The following ATRNL1 variants were observed in gnomAD, a reference collection of about 807,000 sequenced individuals.
ATRNL1 encodes the protein attractin-like protein 1.
ATRNL1 carries 95 observed loss-of-function variants against 182.7 expected under a neutral mutation model. The ratio of observed to expected loss-of-function variants is 0.52; its 90% CI spans 0.44 to 0.62. ATRNL1 has a LOEUF of 0.62. Among genes scored for constraint, ATRNL1 ranks in the 20% least tolerant of loss-of-function variants. The probability of loss-of-function intolerance (pLI) is 0.00; values close to 1 mark genes in which losing one functional copy is unlikely to be tolerated. For missense variants in ATRNL1, 1,471 were observed against 1,679.5 expected, an observed-to-expected ratio of 0.88 and a Z score of 2.17; for synonymous variants, 576 against 568.3, an observed-to-expected ratio of 1.01 and a Z score of -0.19.
At chr10:115,782,823 G>C (rs962115398) in intron 27 of ATRNL1, among the ~76,000 whole-genome samples, 1 of 152,108 alleles carries the variant, frequency 6.6e-6, no homozygotes, top group South Asian at 2.1e-4. Context: ...ATATAAAAGG[G>C]TTTCTAGGAG....
At chr10:115,337,749 C>A (rs1855560983) in intron 19 of ATRNL1, among the ~76,000 whole-genome samples, 1 of 152,084 alleles carries the variant, frequency 6.6e-6, no homozygotes, top group South Asian at 2.1e-4. Flanking sequence ...TGGATGAATG[C>A]CATAAAAAAT....
At chr10:115,741,865 T>C (rs1248964240) in intron 27 of ATRNL1, among the ~76,000 whole-genome samples, 1 of 152,136 alleles carries the variant, frequency 6.6e-6, no homozygotes, top group African/African-American at 2.4e-5. Flanking sequence ...GGAAAATTGC[T>C]ACAAAGAAAC....
intron 17 of ATRNL1, among the ~76,000 whole-genome samples, chr10:115,307,105 C>A (rs1347985397): frequency 6.6e-6 from 1 of 152,072 alleles, no homozygotes; most frequent in African/African-American, 2.4e-5. Flanking sequence ...ACCATTTGTT[C>A]CTTGAGCAGA....
chr10:115,730,680 G>A (rs1315720279), intron 27 of ATRNL1, among the ~76,000 whole-genome samples: 2 of 152,096 alleles, frequency 1.3e-5, no homozygotes, highest in Admixed American at 1.3e-4. Context: ...CTAGCCATCT[G>A]CTTTTATAGC....
chr10:115,300,070 A>T lies in ATRNL1; in HGVS notation c.2452A>T (p.Ile818Leu). Reference protein sequence around the residue: ...SPWVGLRKINISYWGWEDMSP... With the variant: ...SPWVGLRKINLSYWGWEDMSP... ...TTGGGTAGGCTTGCGCAAGATCAAT[A>T]TATCCTATTGGGGATGGGAAGACAT... The change falls in exon 16 of 29, where the codon ATA becomes TTA. Residue 818 changes from isoleucine (I) to leucine (L), a missense_variant. By Grantham distance (5) the Ile-to-Leu change is conservative (BLOSUM62 2). Transcript: ENST00000355044. 1 of 1,613,978 alleles carries T rather than the reference A, an allele frequency of 6.2e-7. No homozygotes were observed. The highest frequency in any genetic ancestry group is 8.5e-7 in the Non-Finnish European group (1 of 1,179,854).
chr10:115,256,033 G>C (rs1261873784), intron 10 of ATRNL1, among the ~76,000 whole-genome samples: 1 of 152,136 alleles, frequency 6.6e-6, no homozygotes, highest in African/African-American at 2.4e-5. Context: ...GATGGATTTG[G>C]TTTGCCAGTA....
At chr10:115,613,936 A>G (rs114367416) in intron 26 of ATRNL1, among the ~76,000 whole-genome samples, 6 of 151,450 alleles carry the variant, frequency 4.0e-5, no homozygotes, top group Admixed American at 3.3e-4. Flanking sequence ...CTAATAATTT[A>G]TTGACTTATG....
intron 7 of ATRNL1, among the ~76,000 whole-genome samples, chr10:115,167,541 T>C (rs1308027594): frequency 6.6e-6 from 1 of 152,050 alleles, no homozygotes; most frequent in Non-Finnish European, 1.5e-5. Context: ...TGTTTGGTTT[T>C]CATTTTGAAT....
chr10:115,828,794 G>A (rs77603688), intron 27 of ATRNL1, among the ~76,000 whole-genome samples: 2,476 of 152,208 alleles, frequency 0.016, 82 homozygotes, highest in African/African-American at 0.057. Context: ...TAGTCTGTGC[G>A]AGTAGTGAAA....
rs541785790 is a variant in ATRNL1 at position 115,521,210 on chromosome 10, G to T, written c.3716+1886G>T. Among the ~76,000 whole-genome samples, 260 of 140,286 alleles carry T rather than the reference G, an allele frequency of 1.9e-3. 2 individuals are homozygous for T. Among genetic ancestry groups the T allele is most frequent in the Middle Eastern group, 8.0e-3 (2 of 250 alleles). The allele number at this position is 140,286 out of a possible 152,430, so 92.0% of individuals were successfully genotyped here. ...TCACCCTGTCACCCAGGCTGGAGCAGTGGCGCTATTTCGGCTCACTGCAAC... is the reference window on the plus strand; with the variant it reads ...TCACCCTGTCACCCAGGCTGGAGCATTGGCGCTATTTCGGCTCACTGCAAC... On this transcript the variant is annotated intron_variant, in intron 25 of 28. Coordinates refer to ENST00000355044, the MANE Select transcript of ATRNL1 (RefSeq NM_207303.4).
chr10:115,561,704 G>GTGTGTGTGTGTGTGTGTGTGTGT (rs1554999746), intron 26 of ATRNL1, among the ~76,000 whole-genome samples: 2 of 145,030 alleles, frequency 1.4e-5, no homozygotes, highest in African/African-American at 2.6e-5. Flanking sequence ...TGTGTGTGTG[G>GTGTGTGTGTGTGTGTGTGTGTGT]GTGTGTGTGT....
intron 3 of ATRNL1, among the ~76,000 whole-genome samples, chr10:115,122,182 T>G (rs1055183968): frequency 2.0e-5 from 3 of 151,758 alleles, no homozygotes; most frequent in African/African-American, 7.2e-5. Context: ...TTTTTTTATT[T>G]TAGTGAAATG....
chr10:115,811,973 T>C (rs188676265), intron 27 of ATRNL1, among the ~76,000 whole-genome samples: 428 of 152,228 alleles, frequency 2.8e-3, no homozygotes, highest in African/African-American at 9.5e-3. Flanking sequence ...TTTGTGTATA[T>C]ACCTATTTTT....
chr10:115,135,677 A>G lies in ATRNL1; in HGVS notation c.829+6142A>G, dbSNP rs574923623. Among the ~76,000 whole-genome samples, 123 of 152,350 alleles carry G rather than the reference A, an allele frequency of 8.1e-4. No individual in the cohort carries two copies. The Middle Eastern group carries it at 0.031, about 38-fold the overall frequency. Reference sequence around the variant, plus strand: ...AATGAGTTTCTTCACAGAATTGGAAAAAACTACTTTAAAGTTCATATGGAA... The same window carrying G: ...AATGAGTTTCTTCACAGAATTGGAAGAAACTACTTTAAAGTTCATATGGAA... On this transcript the variant is annotated intron_variant, in intron 5 of 28. Coordinates refer to ENST00000355044, the MANE Select transcript of ATRNL1 (RefSeq NM_207303.4).
At chr10:115,408,136 C>T (rs59360038) in intron 20 of ATRNL1, among the ~76,000 whole-genome samples, 11 of 150,756 alleles carry the variant, frequency 7.3e-5, no homozygotes, top group Non-Finnish European at 1.3e-4. Context: ...CCCGAGTAGC[C>T]GGGACTACAG....
chr10:115,358,025 TATG>T (rs1208954906), intron 19 of ATRNL1, among the ~76,000 whole-genome samples: 10 of 151,668 alleles, frequency 6.6e-5, no homozygotes, highest in Admixed American at 2.6e-4. Flanking sequence ...CTGCACTATC[TATG>T]ATATTTATTC....
intron 18 of ATRNL1, among the ~76,000 whole-genome samples, chr10:115,329,605 G>A (rs1855103797): frequency 6.6e-6 from 1 of 152,020 alleles, no homozygotes; most frequent in Non-Finnish European, 1.5e-5. Context: ...CTATCCTCTT[G>A]TATTGATCCC....
chr10:115,436,949 T>C (rs1554964902), intron 21 of ATRNL1, among the ~76,000 whole-genome samples: 2 of 152,056 alleles, frequency 1.3e-5, no homozygotes, highest in Non-Finnish European at 2.9e-5. Flanking sequence ...GAATGAGAAT[T>C]ATAGAGTTTT....
At chr10:115,367,142 A>G (rs2096907410) in intron 19 of ATRNL1, among the ~76,000 whole-genome samples, 1 of 85,358 alleles carries the variant, frequency 1.2e-5, no homozygotes, top group South Asian at 3.4e-4. Flanking sequence ...TCTCCCCATC[A>G]CTTTCAGGTA....
Sources: gnomAD v4.1 joint callset for allele counts (sites outside exome capture counted in the v4.1 genomes callset) on GRCh38, gnomAD v4.1.1 for gene constraint, MANE v1.5 for transcripts, NCBI Gene and HGNC (gene_info 2026-07-23, HGNC 2026-07-21) for gene names.